Variants in RARA observed in about 807,000 individuals in gnomAD.
RARA encodes the protein retinoic acid receptor alpha, also known as PML-DDX5-RARA fusion.
RARA carries 5 observed loss-of-function variants against 42.8 expected under a neutral mutation model. The ratio of observed to expected loss-of-function variants is 0.12; its 90% CI spans 0.06 to 0.25. RARA has a LOEUF of 0.25. Ranked by LOEUF, RARA falls within the 10% of genes least tolerant of loss-of-function variation. The pLI is 1.00. For synonymous variants in RARA, 256 were observed against 259.5 expected (o/e 0.99, Z 0.13); for missense variants, 402 against 628.7 (o/e 0.64, Z 3.86).
Position 40,351,579 on chromosome 17 carries a change from G to C in RARA, c.470-331G>C. The stretch of plus-strand genomic sequence containing the variant: ...CCTTCCTGGGGAAAGAGGAGGCAGA[G>C]CACCTAGGAGGGCACCGTCGCCTGG... On this transcript the variant is annotated intron_variant, in intron 4 of 8. Coordinates refer to ENST00000254066, the MANE Select transcript of RARA (RefSeq NM_000964.4). The surrounding 1 kb of genome is among the most constrained non-coding windows in gnomAD (Gnocchi z 4.1). 1 of 475,706 alleles carries C rather than the reference G, an allele frequency of 2.1e-6. No individual in the cohort carries two copies. The highest frequency in any genetic ancestry group is 4.2e-6 in the Non-Finnish European group (1 of 238,918). The allele number at this position is 475,706 out of a possible 1,614,324, so 29.5% of individuals were successfully genotyped here. A position where few individuals can be genotyped will look rare whatever the true frequency, so the allele number is the denominator to read the frequency against.
In RARA at chr17:40,348,386, C is replaced by A. The variant is rs757149784; in HGVS notation, c.249C>A (p.Arg83=). ...PSPPSPPPLP[R]IYKPCFVCQD... The stretch of plus-strand genomic sequence containing the variant: ...CTCCCTCGCCACCCCCTCTACCCCG[C>A]ATCTACAAGCCTTGCTTTGTCTGTC... The change falls in exon 3 of 9, where the codon CGC becomes CGA. Residue 83 remains arginine, a synonymous_variant. Coordinates refer to ENST00000254066, the MANE Select transcript of RARA (RefSeq NM_000964.4). 2 of 1,613,688 alleles carry A rather than the reference C, an allele frequency of 1.2e-6. No homozygotes were observed. Among genetic ancestry groups the A allele is most frequent in the Admixed American group, 1.7e-5 (1 of 59,968 alleles).
At chr17:40,331,617 G>C (rs2033696295) in intron 2 of RARA, among the ~76,000 whole-genome samples, 2 of 152,164 alleles carry the variant, frequency 1.3e-5, no homozygotes, top group African/African-American at 4.8e-5. Context: ...GGTGGCAGAG[G>C]GGGAGATGAA....
rs902873402 is a variant in RARA at position 40,351,759 on chromosome 17, A to G, written c.470-151A>G. The G allele has an allele frequency of 3.4e-5, 36 of 1,048,816 alleles. No individual in the cohort carries two copies. Among genetic ancestry groups the G allele is most frequent in the Admixed American group, 2.6e-4 (9 of 35,088 alleles). 65.0% of individuals were successfully genotyped at this position (1,048,816 alleles called of 1,614,324 possible). Reference sequence around the variant, plus strand: ...GCATGGAGGGCTGGAGTGCGTGGCAATGCCTTGCCTGCCCGTGAACGCGTG... The same window carrying G: ...GCATGGAGGGCTGGAGTGCGTGGCAGTGCCTTGCCTGCCCGTGAACGCGTG... On this transcript the variant is annotated intron_variant, in intron 4 of 8. Coordinates refer to ENST00000254066, the MANE Select transcript of RARA (RefSeq NM_000964.4). This position sits in a 1 kb window ranked among gnomAD's most constrained non-coding sequence, Gnocchi z 4.1.
rs1438935587 is a variant in RARA at position 40,355,787 on chromosome 17, G to T, written c.1172-222G>T. ...AAGGGCTTGGCGTCTAGCCCAGGCCGGCAGTCTGGCCCTGGAGCCGGAGTT... is the reference window on the plus strand; with the variant it reads ...AAGGGCTTGGCGTCTAGCCCAGGCCTGCAGTCTGGCCCTGGAGCCGGAGTT... On this transcript the variant is annotated intron_variant, in intron 8 of 8. Transcript: ENST00000254066. The surrounding 1 kb of genome is among the most constrained non-coding windows in gnomAD (Gnocchi z 4.1). 6.6e-6 allele frequency among the ~76,000 whole-genome samples: 1 copy of T among 152,236 alleles called. No homozygotes were observed. The highest frequency in any genetic ancestry group is 2.4e-5 in the African/African-American group (1 of 41,450).
At chr17:40,311,254 C>G (rs556698265) in intron 1 of RARA, among the ~76,000 whole-genome samples, 2 of 152,066 alleles carry the variant, frequency 1.3e-5, no homozygotes, top group South Asian at 4.1e-4. Context: ...GGTATGAGGA[C>G]TGCCCCTGGC....
intron 2 of RARA, chr17:40,342,524 C>G (rs2034099244): frequency 7.6e-7 from 1 of 1,314,926 alleles, no homozygotes; most frequent in East Asian, 3.1e-5. Flanking sequence ...ACTGGCGGAG[C>G]GGCCGGCGGA....
At position 40,357,334 on chromosome 17, in the gene RARA, G is replaced by C. The variant is rs376581605; in HGVS notation, c.*1108G>C. On this transcript the variant is annotated 3_prime_UTR_variant, in exon 9 of 9. Coordinates refer to ENST00000254066, the MANE Select transcript of RARA (RefSeq NM_000964.4). Reference sequence around the variant, plus strand: ...CCAGACACCACACACATGCGCGTGCGCACACACACAAACACACACACACTG... The same window carrying C: ...CCAGACACCACACACATGCGCGTGCCCACACACACAAACACACACACACTG... The C allele has an allele frequency of 4.3e-6, 1 of 234,032 alleles. No homozygotes were observed. The highest frequency in any genetic ancestry group is 8.4e-6 in the Non-Finnish European group (1 of 119,186). 14.5% of individuals were successfully genotyped at this position (234,032 alleles called of 1,614,324 possible). A position where few individuals can be genotyped will look rare whatever the true frequency, so the allele number is the denominator to read the frequency against.
intron 1 of RARA, among the ~76,000 whole-genome samples, chr17:40,310,957 G>A (rs928539628): frequency 2.6e-5 from 4 of 152,126 alleles, no homozygotes; most frequent in Non-Finnish European, 5.9e-5. Flanking sequence ...CTATTGCCCC[G>A]GTTACTGCAG....
Position 40,316,007 on chromosome 17 carries a change from C to G in RARA, c.-363+6721C>G, listed in dbSNP as rs1374862508. Among the ~76,000 whole-genome samples the G allele has an allele frequency of 4.6e-5, 7 of 152,324 alleles. No individual in the cohort carries two copies. The East Asian group carries it at 1.3e-3, about 29-fold the overall frequency. ...CTGGTGGGAGGGGGTGGTGGAAGCC[C>G]TGTTATGAGCCCAGCATAGCTGGAG... On this transcript the variant is annotated intron_variant, in intron 1 of 8. Coordinates refer to ENST00000254066, the MANE Select transcript of RARA (RefSeq NM_000964.4).
intron 1 of RARA, among the ~76,000 whole-genome samples, chr17:40,325,399 G>C (rs1240429081): frequency 6.6e-6 from 1 of 152,158 alleles, no homozygotes; most frequent in East Asian, 1.9e-4. Context: ...CCAGGGAGGA[G>C]AGGGGTGAGA....
intron 1 of RARA, among the ~76,000 whole-genome samples, chr17:40,327,572 G>A (rs2033581405): frequency 1.3e-5 from 2 of 152,240 alleles, no homozygotes; most frequent in African/African-American, 4.8e-5. Context: ...GGGGAGCTGT[G>A]TACTGGGGCC....
At chr17:40,348,614 C>T in intron 3 of RARA, 150 bp downstream of exon 3, 4 of 995,838 alleles carry the variant, frequency 4.0e-6, no homozygotes, top group Non-Finnish European at 2.8e-6. Flanking sequence ...GGGACACCTA[C>T]CACAGTTTCC....
intron 2 of RARA, chr17:40,341,830 C>A: frequency 1.8e-5 from 20 of 1,132,924 alleles, no homozygotes; most frequent in Non-Finnish European, 2.3e-5. Context: ...GGAGCCGGAA[C>A]TGGTACAAGG....
chr17:40,355,253 G>C lies in RARA; in HGVS notation c.1013-10G>C. ...TCCCAGCTGCTCAGGGGGTGGTTCT[G>C]CTTCCTCAGACCGCCAGGACCTGGA... On this transcript the variant is annotated splice_polypyrimidine_tract_variant and intron_variant, in intron 7 of 8. Coordinates refer to ENST00000254066, the MANE Select transcript of RARA (RefSeq NM_000964.4). This position sits in a 1 kb window ranked among gnomAD's most constrained non-coding sequence, Gnocchi z 4.1. 6.4e-7 allele frequency: 1 copy of C among 1,559,550 alleles called. No homozygotes were observed. The highest frequency in any genetic ancestry group is 8.7e-7 in the Non-Finnish European group (1 of 1,151,082).
intron 2 of RARA, among the ~76,000 whole-genome samples, chr17:40,335,676 C>T (rs2033822953): frequency 6.9e-6 from 1 of 145,676 alleles, no homozygotes; most frequent in South Asian, 2.2e-4. Context: ...GGGGATAGAG[C>T]GAGCCTCTGT....
chr17:40,316,460 G>A (rs944511803), intron 1 of RARA, among the ~76,000 whole-genome samples: 1 of 152,254 alleles, frequency 6.6e-6, no homozygotes, highest in Non-Finnish European at 1.5e-5. Flanking sequence ...CTGACCCTAT[G>A]ATGGCAGGTG....
In RARA at chr17:40,352,172, C is replaced by T. The variant is rs576891299; in HGVS notation, c.630+102C>T. On this transcript the variant is annotated intron_variant, in intron 5 of 8. Transcript: ENST00000254066. The surrounding 1 kb of genome is among the most constrained non-coding windows in gnomAD (Gnocchi z 4.9). ...CTTCTTGTGCCAGGCAAGATCTCTGCGTCCTTCCCTTCCCCTCTCTTCTCC... is the reference window on the plus strand; with the variant it reads ...CTTCTTGTGCCAGGCAAGATCTCTGTGTCCTTCCCTTCCCCTCTCTTCTCC... 1.5e-4 allele frequency: 217 copies of T among 1,474,500 alleles called. No homozygotes were observed. Among genetic ancestry groups the T allele is most frequent in the Non-Finnish European group, 1.9e-4 (208 of 1,118,024 alleles). The allele number at this position is 1,474,500 out of a possible 1,614,324, so 91.3% of individuals were successfully genotyped here.
In RARA at chr17:40,319,007, GTGTTCC is replaced by G. The variant is rs202180447; in HGVS notation, c.-363+9724_-363+9729del. Among the ~76,000 whole-genome samples the G allele has an allele frequency of 8.0e-3, 1,222 of 152,282 alleles. 13 individuals carry two copies. Among genetic ancestry groups the G allele is most frequent in the Admixed American group, 0.015 (222 of 15,294 alleles). ...GAGCCAATGCAGTATGTGTGTAGGG[GTGTTCC>G]TGGGTCTTGTGCCACCATGGGGTGT... On this transcript the variant is annotated intron_variant, in intron 1 of 8. Coordinates refer to ENST00000254066, the MANE Select transcript of RARA (RefSeq NM_000964.4).
Position 40,354,552 on chromosome 17 carries a change from C to T in RARA, c.1012+46C>T, listed in dbSNP as rs751423703. ...TGGGGGCTGGGCTGGGACGGGGGTG[C>T]AGCCCTGGAGTCTCTTCCAGGGAGC... On this transcript the variant is annotated intron_variant, in intron 7 of 8. Transcript: ENST00000254066. The surrounding 1 kb of genome is among the most constrained non-coding windows in gnomAD (Gnocchi z 4.5). 20 of 1,588,944 alleles carry T rather than the reference C, an allele frequency of 1.3e-5. No homozygotes were observed. The highest frequency in any genetic ancestry group is 1.7e-5 in the Non-Finnish European group (20 of 1,164,420).
Sources: allele counts gnomAD v4.1 joint callset (sites outside exome capture counted in the v4.1 genomes callset), GRCh38; gene constraint gnomAD v4.1.1; non-coding constraint Gnocchi (gnomAD v3.1); transcripts MANE v1.5; gene names NCBI Gene and HGNC (gene_info 2026-07-23, HGNC 2026-07-21).